The following GLIS1 variants were observed in gnomAD, a reference collection of about 807,000 sequenced individuals.
The protein encoded by GLIS1 is zinc finger protein GLIS1.
Under a neutral mutation model 63.8 loss-of-function variants are expected in GLIS1, and 24 were observed. The ratio of observed to expected loss-of-function variants is 0.38; its 90% CI spans 0.27 to 0.53. GLIS1 has a LOEUF of 0.53. GLIS1 is among the 20% of genes least tolerant of loss of function. The pLI, the probability that GLIS1 is intolerant of heterozygous loss-of-function variation, is 0.85. For synonymous variants in GLIS1, 450 were observed against 482.5 expected, an observed-to-expected ratio of 0.93 and a Z score of 0.88; for missense variants, 1,036 against 1,074.1, an observed-to-expected ratio of 0.96 and a Z score of 0.50.
chr1:53,526,593 C>A lies in GLIS1; in HGVS notation c.1483-1706G>T, dbSNP rs899110666. 4.6e-5 allele frequency among the ~76,000 whole-genome samples: 7 copies of A among 152,182 alleles called. No homozygotes were observed. Among genetic ancestry groups the A allele is most frequent in the African/African-American group, 1.7e-4 (7 of 41,452 alleles). On this transcript the variant is annotated intron_variant, in intron 5 of 10. Transcript: ENST00000628545. This position sits in a 1 kb window ranked among gnomAD's most constrained non-coding sequence, Gnocchi z 4.4. ...ACACACACACACCACACCATACACACCCACGCACGGCACACACACGTGCGT... is the reference window on the plus strand; with the variant it reads ...ACACACACACACCACACCATACACAACCACGCACGGCACACACACGTGCGT...
chr1:53,593,431 G>A (rs540264532), intron 4 of GLIS1, among the ~76,000 whole-genome samples: 7 of 152,300 alleles, frequency 4.6e-5, no homozygotes, highest in African/African-American at 1.7e-4. Context: ...TAATATGCGC[G>A]TGTGTGTGCA....
intron 2 of GLIS1, among the ~76,000 whole-genome samples, chr1:53,665,205 G>GA (rs1474120731): frequency 6.6e-6 from 1 of 152,148 alleles, no homozygotes; most frequent in Non-Finnish European, 1.5e-5. Context: ...GTGTTGTCAG[G>GA]AAAGAGCAAG....
At chr1:53,578,264 A>G (rs900676208) in intron 4 of GLIS1, among the ~76,000 whole-genome samples, 1 of 152,200 alleles carries the variant, frequency 6.6e-6, no homozygotes, top group Non-Finnish European at 1.5e-5. Flanking sequence ...CCTCTACTGT[A>G]AAATGGGGAT....
chr1:53,720,461 G>T (rs1646742495), intron 2 of GLIS1, among the ~76,000 whole-genome samples: 2 of 152,192 alleles, frequency 1.3e-5, no homozygotes, highest in African/African-American at 4.8e-5. Flanking sequence ...TCTCATGGAG[G>T]TAGAGGGTAG....
At chr1:53,611,712 G>C (rs1645426205) in intron 2 of GLIS1, among the ~76,000 whole-genome samples, 1 of 152,226 alleles carries the variant, frequency 6.6e-6, no homozygotes, top group African/African-American at 2.4e-5. Flanking sequence ...GCCTGTCAGG[G>C]TCCTCAACTG....
At chr1:53,627,169 T>C (rs1165916985) in intron 2 of GLIS1, among the ~76,000 whole-genome samples, 1 of 152,132 alleles carries the variant, frequency 6.6e-6, no homozygotes, top group Non-Finnish European at 1.5e-5. Flanking sequence ...GGCAGAGGTT[T>C]ACAAAACCAA....
intron 2 of GLIS1, among the ~76,000 whole-genome samples, chr1:53,718,137 C>T (rs1022417997): frequency 6.6e-6 from 1 of 152,242 alleles, no homozygotes; most frequent in Non-Finnish European, 1.5e-5. Context: ...GTTTTCCAAG[C>T]CTGGTTCTCT....
At chr1:53,662,792 G>T (rs1198285014) in intron 2 of GLIS1, among the ~76,000 whole-genome samples, 1 of 152,086 alleles carries the variant, frequency 6.6e-6, no homozygotes, top group East Asian at 1.9e-4. Flanking sequence ...CATCCAACCA[G>T]TCACCCATAA....
intron 4 of GLIS1, among the ~76,000 whole-genome samples, chr1:53,569,750 T>TG (rs1469180069): frequency 6.6e-6 from 1 of 152,046 alleles, no homozygotes; most frequent in Non-Finnish European, 1.5e-5. Flanking sequence ...GCAAGTTGGC[T>TG]GGGTATAATA....
intron 4 of GLIS1, among the ~76,000 whole-genome samples, chr1:53,587,916 C>T (rs973283995): frequency 6.6e-6 from 1 of 152,180 alleles, no homozygotes; most frequent in Non-Finnish European, 1.5e-5. Flanking sequence ...GGGGTCATGG[C>T]TAGTACACAG....
intron 4 of GLIS1, among the ~76,000 whole-genome samples, chr1:53,564,828 T>C (rs1319750289): frequency 6.6e-6 from 1 of 152,042 alleles, no homozygotes; most frequent in African/African-American, 2.4e-5. Context: ...ATAATAATAT[T>C]AGCAATGCAA....
At chr1:53,577,138 C>CCCCCCG (rs1356024649) in intron 4 of GLIS1, among the ~76,000 whole-genome samples, 1 of 149,456 alleles carries the variant, frequency 6.7e-6, no homozygotes, top group African/African-American at 2.5e-5. Flanking sequence ...CCTCCCCCCC[C>CCCCCCG]TCCATGCTTC....
Position 53,598,970 on chromosome 1 carries a change from A to G in GLIS1, c.437+1131T>C, listed in dbSNP as rs1388141422. ...CAGCACCGACCACAGTGCCTGGCAC[A>G]TGACAGGCACTTGACAAATGGCTGG... is the stretch of plus-strand genomic sequence containing the variant. On this transcript the variant is annotated intron_variant, in intron 3 of 10. Coordinates refer to ENST00000628545, the MANE Select transcript of GLIS1 (RefSeq NM_001367484.1). The surrounding 1 kb of genome is among the most constrained non-coding windows in gnomAD (Gnocchi z 4.6). Among the ~76,000 whole-genome samples, 1 of 152,236 alleles carries G rather than the reference A, an allele frequency of 6.6e-6. No homozygotes were observed. Among genetic ancestry groups the G allele is most frequent in the East Asian group, 1.9e-4 (1 of 5,198 alleles).
chr1:53,652,702 T>A lies in GLIS1; in HGVS notation c.260-52424A>T, dbSNP rs533869815. Among the ~76,000 whole-genome samples the A allele has an allele frequency of 3.3e-5, 5 of 152,236 alleles. No individual in the cohort carries two copies. In the South Asian group the frequency reaches 1.0e-3, roughly 32 times the overall value. Reference sequence around the variant, plus strand: ...TCTTCCATGTGTTTCCCGAGGCTCCTCGGTCCCTGTGCAACACAAGCCTCC... The same window carrying A: ...TCTTCCATGTGTTTCCCGAGGCTCCACGGTCCCTGTGCAACACAAGCCTCC... On this transcript the variant is annotated intron_variant, in intron 2 of 10. Transcript: ENST00000628545.
chr1:53,596,728 G>A (rs1010318555), intron 3 of GLIS1, among the ~76,000 whole-genome samples: 2 of 152,090 alleles, frequency 1.3e-5, no homozygotes, highest in Admixed American at 6.5e-5. Context: ...GGAGCAGCCC[G>A]AGCTCCAGTC....
chr1:53,590,505 A>C (rs145528479), intron 4 of GLIS1, among the ~76,000 whole-genome samples: 1 of 152,158 alleles, frequency 6.6e-6, no homozygotes, highest in Non-Finnish European at 1.5e-5. Context: ...TGATGTGGAG[A>C]AAAGCAAGCT....
chr1:53,510,967 G>A (rs979717603), intron 8 of GLIS1, among the ~76,000 whole-genome samples: 1 of 152,186 alleles, frequency 6.6e-6, no homozygotes, highest in Non-Finnish European at 1.5e-5. Flanking sequence ...AGCAGCACAG[G>A]TGCCCTGAGC....
intron 2 of GLIS1, among the ~76,000 whole-genome samples, chr1:53,615,735 TCA>T (rs145427377): frequency 0.57 from 81,128 of 143,236 alleles, 23,751 homozygotes; most frequent in Middle Eastern, 0.67. Flanking sequence ...TTTATTTTAT[TCA>T]TTTATTTATT....
intron 2 of GLIS1, among the ~76,000 whole-genome samples, chr1:53,610,962 C>A (rs1246288835): frequency 6.6e-6 from 1 of 152,142 alleles, no homozygotes; most frequent in Admixed American, 6.5e-5. Context: ...CTAGCTTTTG[C>A]ATTCTTAAAT....
Sources: allele counts gnomAD v4.1 joint callset (sites outside exome capture counted in the v4.1 genomes callset), GRCh38; gene constraint gnomAD v4.1.1; non-coding constraint Gnocchi (gnomAD v3.1); transcripts MANE v1.5; gene names NCBI Gene and HGNC (gene_info 2026-07-23, HGNC 2026-07-21).